FBLN5: variants seen among roughly 807,000 people sequenced by gnomAD.
FBLN5 encodes the protein fibulin 5.
FBLN5 carries 24 observed loss-of-function variants against 61.6 expected under a neutral mutation model. The ratio of observed to expected loss-of-function variants is 0.39; its 90% CI spans 0.28 to 0.55. The LOEUF (loss-of-function observed/expected upper bound fraction) is 0.55, where lower values mean the gene tolerates loss of function less well. Among genes scored for constraint, FBLN5 ranks in the 20% least tolerant of loss-of-function variants. The probability of loss-of-function intolerance (pLI) is 0.65; values close to 1 mark genes in which losing one functional copy is unlikely to be tolerated. For missense variants in FBLN5, 470 were observed against 594.1 expected, an observed-to-expected ratio of 0.79 and a Z score of 2.17; for synonymous variants, 213 against 219.8, an observed-to-expected ratio of 0.97 and a Z score of 0.27.
At chr14:91,921,554 C>T (rs754373095) in intron 4 of FBLN5, among the ~76,000 whole-genome samples, 25 of 152,148 alleles carry the variant, frequency 1.6e-4, no homozygotes, top group Admixed American at 7.2e-4. Context: ...AAGAAAAGAC[C>T]CCACCCCAGA....
At chr14:91,930,303 A>G (rs1260434701) in intron 4 of FBLN5, among the ~76,000 whole-genome samples, 3 of 152,204 alleles carry the variant, frequency 2.0e-5, no homozygotes, top group Non-Finnish European at 4.4e-5. Flanking sequence ...TGAGGTTTAG[A>G]GAAGTGAAGC....
chr14:91,914,145 C>T (rs1891080505), intron 4 of FBLN5, among the ~76,000 whole-genome samples: 2 of 151,762 alleles, frequency 1.3e-5, no homozygotes, highest in African/African-American at 4.8e-5. Context: ...GAGTTCGAGA[C>T]CAGCCTGAGA....
intron 5 of FBLN5, 84 bp downstream of exon 5, chr14:91,894,866 C>T (rs1890155219): frequency 8.5e-7 from 1 of 1,181,454 alleles, no homozygotes; most frequent in African/African-American, 1.6e-5. Context: ...TACCCTCAGG[C>T]AGCCAGCTAT....
At chr14:91,880,570 C>T (rs1889389535) in intron 9 of FBLN5, among the ~76,000 whole-genome samples, 1 of 148,282 alleles carries the variant, frequency 6.7e-6, no homozygotes, top group Non-Finnish European at 1.5e-5. Context: ...TGTTTTGAGA[C>T]AGAGTCTCAC....
chr14:91,921,755 A>G (rs34828343), intron 4 of FBLN5, among the ~76,000 whole-genome samples: 33,921 of 152,176 alleles, frequency 0.22, 3,933 homozygotes, highest in Middle Eastern at 0.34. Context: ...AGAGAGGAGA[A>G]TGAGCCCGCA....
chr14:91,894,739 C>A (rs904805071), intron 5 of FBLN5, among the ~76,000 whole-genome samples: 3 of 152,032 alleles, frequency 2.0e-5, no homozygotes, highest in Non-Finnish European at 4.4e-5. Flanking sequence ...TAAATACATT[C>A]AAAAACTATA....
rs1566796031 is a variant in FBLN5, at chr14:91,871,220, T to TAA, written c.1186-836_1186-835insTT. On this transcript the variant is annotated intron_variant, in intron 10 of 10. Coordinates refer to ENST00000342058, the MANE Select transcript of FBLN5 (RefSeq NM_006329.4). The stretch of plus-strand genomic sequence containing the variant: ...TGAGGGTTTGGACCAGATCAGTAAT[T>TAA]TAAAAAAAAAAAAAAAAAGGCATCA... 9.1e-3 allele frequency among the ~76,000 whole-genome samples: 218 copies of TAA among 23,996 alleles called. 1 individual carries two copies. Among genetic ancestry groups the TAA allele is most frequent in the African/African-American group, 0.011 (177 of 16,552 alleles). 15.7% of individuals were successfully genotyped at this position (23,996 alleles called of 152,430 possible).
chr14:91,893,723 C>T (rs1890090510), intron 5 of FBLN5, among the ~76,000 whole-genome samples: 1 of 152,204 alleles, frequency 6.6e-6, no homozygotes, highest in East Asian at 1.9e-4. Flanking sequence ...AGGAAAATAA[C>T]CTTCCAGTAA....
At chr14:91,929,877 T>C (rs1376823216) in intron 4 of FBLN5, among the ~76,000 whole-genome samples, 1 of 152,176 alleles carries the variant, frequency 6.6e-6, no homozygotes, top group African/African-American at 2.4e-5. Flanking sequence ...AGAACTGCAT[T>C]TTCCCCAGGT....
chr14:91,921,723 C>G (rs2055738169), intron 4 of FBLN5, among the ~76,000 whole-genome samples: 1 of 152,128 alleles, frequency 6.6e-6, no homozygotes, highest in Non-Finnish European at 1.5e-5. Context: ...CTAAGGGGTG[C>G]CATCTGAACT....
chr14:91,897,336 T>C (rs2139987404), intron 4 of FBLN5, among the ~76,000 whole-genome samples: 1 of 152,252 alleles, frequency 6.6e-6, no homozygotes, highest in South Asian at 2.1e-4. Context: ...CCTGCTCAAA[T>C]CCACAGTGAA....
At chr14:91,891,866 A>G (rs1890011471) in intron 5 of FBLN5, among the ~76,000 whole-genome samples, 1 of 152,218 alleles carries the variant, frequency 6.6e-6, no homozygotes, top group Non-Finnish European at 1.5e-5. Context: ...ATGAACAATG[A>G]ATATGTCCAG....
Position 91,947,114 on chromosome 14 carries a change from AC to A in FBLN5, c.17+98del. 1 of 1,580,860 alleles carries A rather than the reference AC, an allele frequency of 6.3e-7. No homozygotes were observed. The highest frequency in any genetic ancestry group is 8.7e-7 in the Non-Finnish European group (1 of 1,155,098). ...AGCTCATGCCTTTTCCAATATCCTG[AC>A]ACCGCCTGAATCGCAGCCATAACCA... On this transcript the variant is annotated intron_variant, in intron 1 of 10. Coordinates refer to ENST00000342058, the MANE Select transcript of FBLN5 (RefSeq NM_006329.4). The surrounding 1 kb of genome is among the most constrained non-coding windows in gnomAD (Gnocchi z 4.3).
chr14:91,927,012 G>A (rs1178768682), intron 4 of FBLN5, among the ~76,000 whole-genome samples: 1 of 152,174 alleles, frequency 6.6e-6, no homozygotes, highest in Non-Finnish European at 1.5e-5. Context: ...TCGTTCCACT[G>A]CATCACACTC....
At chr14:91,879,407 A>T (rs2139953245) in intron 9 of FBLN5, among the ~76,000 whole-genome samples, 1 of 152,328 alleles carries the variant, frequency 6.6e-6, no homozygotes, top group African/African-American at 2.4e-5. Context: ...GGAGCACAGG[A>T]CACCTGAACT....
chr14:91,934,483 G>C (rs1481062151), intron 4 of FBLN5, among the ~76,000 whole-genome samples: 1 of 152,196 alleles, frequency 6.6e-6, no homozygotes, highest in African/African-American at 2.4e-5. Flanking sequence ...TAGCACACGA[G>C]TTCTATCCAA....
At chr14:91,909,145 C>T (rs1451258737) in intron 4 of FBLN5, among the ~76,000 whole-genome samples, 2 of 152,064 alleles carry the variant, frequency 1.3e-5, no homozygotes, top group Non-Finnish European at 2.9e-5. Context: ...TCTCAATCTC[C>T]TGACCTCGTG....
intron 10 of FBLN5, among the ~76,000 whole-genome samples, chr14:91,870,598 C>G (rs1888877206): frequency 6.6e-6 from 1 of 152,234 alleles, no homozygotes; most frequent in Non-Finnish European, 1.5e-5. Context: ...CTAAGAGGAG[C>G]CTTCTCTGGT....
intron 6 of FBLN5, among the ~76,000 whole-genome samples, chr14:91,890,913 C>T (rs560711469): frequency 6.6e-6 from 1 of 152,276 alleles, no homozygotes; most frequent in African/African-American, 2.4e-5. Flanking sequence ...TCTGATTAGG[C>T]AAGAAAGCCA....
Sources: gnomAD v4.1 joint callset for allele counts (sites outside exome capture counted in the v4.1 genomes callset) on GRCh38, gnomAD v4.1.1 for gene constraint, Gnocchi (gnomAD v3.1) non-coding constraint, MANE v1.5 for transcripts, NCBI Gene and HGNC (gene_info 2026-07-23, HGNC 2026-07-21) for gene names.